NAT9: variants seen among roughly 807,000 people sequenced by gnomAD.
NAT9 encodes N-acetyltransferase 9, also known as alpha/beta-tubulin-N-acetyltransferase 9.
NAT9 carries 18 observed loss-of-function variants against 24.0 expected under a neutral mutation model. That is an observed-to-expected ratio of 0.75 (90% CI 0.52 to 1.11). The LOEUF (loss-of-function observed/expected upper bound fraction) is 1.11, where lower values mean the gene tolerates loss of function less well. Ranked by LOEUF, NAT9 falls within the 50% of genes most tolerant of loss-of-function variation. NAT9 has a pLI of 0.00. For synonymous variants in NAT9, 104 were observed against 102.3 expected (o/e 1.02, Z -0.10); for missense variants, 254 against 258.6 (o/e 0.98, Z 0.12).
At chr17:74,775,177 T>C (rs1430212157) in intron 2 of NAT9, among the ~76,000 whole-genome samples, 3 of 151,106 alleles carry the variant, frequency 2.0e-5, no homozygotes, top group African/African-American at 7.3e-5. Context: ...TTGTTTGTTT[T>C]TGTTTTTTTG....
At chr17:74,776,019 G>A (rs1265552285) in intron 1 of NAT9, 2 of 262,102 alleles carry the variant, frequency 7.6e-6, no homozygotes, top group East Asian at 7.5e-5. Flanking sequence ...AGTATCCCCA[G>A]AGCTCCCATT....
chr17:74,772,176 G>A, intron 5 of NAT9, 42 bp downstream of exon 5: 1 of 1,614,088 alleles, frequency 6.2e-7, no homozygotes, highest in South Asian at 1.1e-5. Context: ...AGTTCACCTG[G>A]GGCCTGCCCA....
rs756872026 is a variant in NAT9 at position 74,775,720 on chromosome 17, G to A, written c.-9-13C>T. ...TCATGGTAGCAGCCTGCATGCAGAT[G>A]GGGAGAGCAAAGACTTCAGGACCCT... On this transcript the variant is annotated splice_polypyrimidine_tract_variant and intron_variant, in intron 1 of 6. Coordinates refer to ENST00000357814, the MANE Select transcript of NAT9 (RefSeq NM_015654.5). 8.1e-6 allele frequency: 13 copies of A among 1,612,186 alleles called. No homozygotes were observed. In the East Asian group the frequency reaches 2.9e-4, roughly 36 times the overall value.
At chr17:74,772,573 C>T (rs2035375765) in intron 4 of NAT9, 2 of 1,405,962 alleles carry the variant, frequency 1.4e-6, no homozygotes, top group Non-Finnish European at 1.8e-6. Context: ...AGGAGGGCCT[C>T]CTCCTGTAAT....
At chr17:74,775,772 C>G (rs1214048958) in intron 1 of NAT9, 65 bp from the exon 2 acceptor site, 1 of 1,371,466 alleles carries the variant, frequency 7.3e-7, no homozygotes, top group African/African-American at 1.4e-5. Flanking sequence ...TGGGTAGGCG[C>G]TCCAGCTTTC....
chr17:74,776,085 C>T (rs2036025400), intron 1 of NAT9, 182 bp downstream of exon 1: 1 of 174,118 alleles, frequency 5.7e-6, no homozygotes, highest in Admixed American at 6.0e-5. Flanking sequence ...CTGCCTTAAA[C>T]CTACTTCCAA....
Position 74,771,639 on chromosome 17 carries a change from C to T in NAT9, c.*85G>A, listed in dbSNP as rs958509356. The T allele has an allele frequency of 5.9e-5, 92 of 1,570,180 alleles. No homozygotes were observed. The highest frequency in any genetic ancestry group is 7.6e-5 in the Non-Finnish European group (88 of 1,156,390). On this transcript the variant is annotated 3_prime_UTR_variant, in exon 7 of 7. Transcript: ENST00000357814. ...TGATTCCCAGCCTGGGCCAGGAGCA[C>T]TCTCCCAGTGCAGGGCTCTGGTCTT...
chr17:74,772,487 T>C lies in NAT9; in HGVS notation c.335-210A>G, dbSNP rs893855739. On this transcript the variant is annotated intron_variant, in intron 4 of 6. Coordinates refer to ENST00000357814, the MANE Select transcript of NAT9 (RefSeq NM_015654.5). ...CTTCAAAGCTGACCTCTTTACCTCA[T>C]GGAGTCAGTATGCTGCCTCATGGGG... is the stretch of plus-strand genomic sequence containing the variant. 2.0e-5 allele frequency: 29 copies of C among 1,430,784 alleles called. 1 individual carries two copies. In the South Asian group the frequency reaches 4.2e-4, roughly 21 times the overall value. 88.6% of individuals were successfully genotyped at this position (1,430,784 alleles called of 1,614,324 possible).
At chr17:74,773,393 G>C in intron 3 of NAT9, 183 bp downstream of exon 3, 1 of 610,308 alleles carries the variant, frequency 1.6e-6, no homozygotes, top group Non-Finnish European at 2.9e-6. Flanking sequence ...GTGGGGAAGA[G>C]GACAGAAGGG....
chr17:74,774,113 C>T (rs2035624424), intron 2 of NAT9: 2 of 182,050 alleles, frequency 1.1e-5, no homozygotes, highest in African/African-American at 4.6e-5. Context: ...AGACATGTGC[C>T]AACTGCCCCC....
chr17:74,775,850 A>C, intron 1 of NAT9, 143 bp from the exon 2 acceptor site: 1 of 571,436 alleles, frequency 1.7e-6, no homozygotes. Context: ...AGACTCCAAA[A>C]TTCTTGCAAG....
intron 2 of NAT9, chr17:74,775,385 C>G: frequency 7.2e-6 from 3 of 413,832 alleles, no homozygotes; most frequent in Middle Eastern, 6.5e-4. Flanking sequence ...GACAAGGTCT[C>G]GCTACGTTAC....
chr17:74,775,923 G>C (rs1210642982), intron 1 of NAT9: 1 of 459,564 alleles, frequency 2.2e-6, no homozygotes, highest in Non-Finnish European at 3.9e-6. Context: ...AAGAGGCCAA[G>C]CCTGGGCTCC....
chr17:74,773,410 A>G, intron 3 of NAT9, 166 bp downstream of exon 3: 1 of 630,226 alleles, frequency 1.6e-6, no homozygotes, highest in Non-Finnish European at 2.8e-6. Context: ...AGGGTCAGCC[A>G]CAGGGACTGG....
rs773048193 is a variant in NAT9 at position 74,773,613 on chromosome 17, C to T, written c.153G>A (p.Glu51=). 2 of 1,614,154 alleles carry T rather than the reference C, an allele frequency of 1.2e-6. No individual in the cohort carries two copies. The highest frequency in any genetic ancestry group is 1.7e-6 in the Non-Finnish European group (2 of 1,180,028). ...CCTGCCAGCTGCACTGCATGGCATA[C>T]TCCTGCTCCAGGGTCAGCGGCTCCG... ...TASEPLTLEQ[E]YAMQCSWQED... Residue 51 remains glutamate, a synonymous_variant, in exon 3 of 7, where the codon GAG becomes GAA. Coordinates refer to ENST00000357814, the MANE Select transcript of NAT9 (RefSeq NM_015654.5).
In NAT9 at chr17:74,773,919, G is replaced by A. The variant is rs190890286; in HGVS notation, c.78-231C>T. 601 of 483,014 alleles carry A rather than the reference G, an allele frequency of 1.2e-3. 5 individuals carry two copies. Among genetic ancestry groups the A allele is most frequent in the African/African-American group, 9.9e-3 (505 of 51,178 alleles). The allele number at this position is 483,014 out of a possible 1,614,324, so 29.9% of individuals were successfully genotyped here. ...TCTGTCCAATTTCCTATCCTGTCTC[G>A]GGTCAGTGCGGAGGAGCAGTCTGAA... On this transcript the variant is annotated intron_variant, in intron 2 of 6. Coordinates refer to ENST00000357814, the MANE Select transcript of NAT9 (RefSeq NM_015654.5).
chr17:74,773,479 T>C, intron 3 of NAT9, 97 bp downstream of exon 3: 1 of 1,093,338 alleles, frequency 9.1e-7, no homozygotes, highest in Non-Finnish European at 1.4e-6. Context: ...ACAAAGCTTC[T>C]ATGGCCGGGG....
intron 2 of NAT9, chr17:74,773,946 C>A: frequency 2.7e-6 from 1 of 369,092 alleles, no homozygotes; most frequent in African/African-American, 2.0e-5. Flanking sequence ...CAGTCTGAAA[C>A]CAAACATTCT....
At chr17:74,774,269 T>C (rs2035645071) in intron 2 of NAT9, among the ~76,000 whole-genome samples, 1 of 152,152 alleles carries the variant, frequency 6.6e-6, no homozygotes, top group Non-Finnish European at 1.5e-5. Flanking sequence ...TAATTTACAA[T>C]TAGGTGAGAA....
Sources: allele counts gnomAD v4.1 joint callset (sites outside exome capture counted in the v4.1 genomes callset), GRCh38; gene constraint gnomAD v4.1.1; transcripts MANE v1.5; gene names NCBI Gene and HGNC (gene_info 2026-07-23, HGNC 2026-07-21).